The following LUZP2 variants were observed in gnomAD, a reference collection of about 807,000 sequenced individuals.
LUZP2 encodes leucine zipper protein 2.
A neutral mutation model predicts 51.6 loss-of-function variants in LUZP2; 52 were observed. The ratio of observed to expected loss-of-function variants is 1.01; its 90% CI spans 0.81 to 1.27. LUZP2 has a LOEUF of 1.27. LUZP2 is among the 50% of genes most tolerant of loss of function. LUZP2 has a pLI of 0.00. For missense variants in LUZP2, 436 were observed against 395.4 expected, an observed-to-expected ratio of 1.10 and a Z score of -0.87; for synonymous variants, 154 against 137.3, an observed-to-expected ratio of 1.12 and a Z score of -0.85.
intron 1 of LUZP2, among the ~76,000 whole-genome samples, chr11:24,540,129 C>T (rs10767209): frequency 0.41 from 62,696 of 151,820 alleles, 13,518 homozygotes; most frequent in African/African-American, 0.51. Context: ...AAGTACACCA[C>T]TTTGGATTTT....
intron 1 of LUZP2, among the ~76,000 whole-genome samples, chr11:24,522,010 T>G (rs1042023752): frequency 2.0e-5 from 3 of 152,136 alleles, no homozygotes; most frequent in Non-Finnish European, 4.4e-5. Flanking sequence ...GGAAACCTGT[T>G]TTGAATAGCT....
intron 5 of LUZP2, among the ~76,000 whole-genome samples, chr11:24,818,685 G>T (rs1417107402): frequency 6.6e-6 from 1 of 151,952 alleles, no homozygotes; most frequent in East Asian, 1.9e-4. Flanking sequence ...TATATATCAT[G>T]CTCTATGTTA....
chr11:24,594,913 C>T (rs1451322740), intron 1 of LUZP2, among the ~76,000 whole-genome samples: 1 of 151,756 alleles, frequency 6.6e-6, no homozygotes, highest in East Asian at 1.9e-4. Flanking sequence ...GCATGCACCA[C>T]CATGCCCGGC....
intron 1 of LUZP2, among the ~76,000 whole-genome samples, chr11:24,669,953 T>C (rs946297779): frequency 6.6e-6 from 1 of 152,034 alleles, no homozygotes; most frequent in Non-Finnish European, 1.5e-5. Flanking sequence ...TCTAGGCATC[T>C]AGAGATGACA....
intron 1 of LUZP2, among the ~76,000 whole-genome samples, chr11:24,727,164 A>C (rs538428455): frequency 2.0e-5 from 3 of 152,230 alleles, no homozygotes; most frequent in African/African-American, 2.4e-5. Context: ...TTTAATTAAA[A>C]ATAAATATAG....
chr11:24,962,348 C>A (rs557008168), intron 7 of LUZP2, among the ~76,000 whole-genome samples: 1 of 152,310 alleles, frequency 6.6e-6, no homozygotes, highest in African/African-American at 2.4e-5. Flanking sequence ...TGGATAATAT[C>A]CTGCAGAGTG....
chr11:25,018,055 T>TTTTTTCTG (rs1857213003), intron 9 of LUZP2, among the ~76,000 whole-genome samples: 1 of 140,020 alleles, frequency 7.1e-6, no homozygotes. Flanking sequence ...TTTGTTTTTT[T>TTTTTTCTG]TTTTGCAGCT....
chr11:24,708,584 G>A (rs973027915), intron 1 of LUZP2, among the ~76,000 whole-genome samples: 7 of 152,068 alleles, frequency 4.6e-5, no homozygotes, highest in East Asian at 1.9e-4. Flanking sequence ...GGTAAAACAC[G>A]CTCTCACAGA....
chr11:24,667,196 T>C (rs900142506), intron 1 of LUZP2, among the ~76,000 whole-genome samples: 20 of 150,352 alleles, frequency 1.3e-4, no homozygotes, highest in Admixed American at 1.3e-3. Flanking sequence ...TTTTTTTTTT[T>C]TTTTTGAGAC....
chr11:24,836,054 A>G (rs993696286), intron 5 of LUZP2, among the ~76,000 whole-genome samples: 1 of 151,986 alleles, frequency 6.6e-6, no homozygotes, highest in Non-Finnish European at 1.5e-5. Context: ...AGCATAGACT[A>G]TGGAGTTAAA....
At chr11:24,690,063 A>G (rs951934861) in intron 1 of LUZP2, among the ~76,000 whole-genome samples, 13 of 152,168 alleles carry the variant, frequency 8.5e-5, no homozygotes, top group African/African-American at 3.1e-4. Flanking sequence ...TGGGAGGAAT[A>G]GATTAGATGA....
chr11:24,902,720 T>C (rs902316436), intron 5 of LUZP2, among the ~76,000 whole-genome samples: 4 of 152,280 alleles, frequency 2.6e-5, no homozygotes, highest in African/African-American at 9.6e-5. Context: ...TCTTTTGTTG[T>C]GTATATTAAT....
intron 1 of LUZP2, among the ~76,000 whole-genome samples, chr11:24,713,690 T>TC (rs1297741263): frequency 1.4e-5 from 2 of 142,264 alleles, no homozygotes; most frequent in Non-Finnish European, 3.1e-5. Context: ...TCTGTTTTTT[T>TC]TTTTTTTTTT....
At chr11:24,727,013 T>A (rs1206540411) in intron 1 of LUZP2, among the ~76,000 whole-genome samples, 1 of 151,924 alleles carries the variant, frequency 6.6e-6, no homozygotes, top group African/African-American at 2.4e-5. Context: ...AACTTGTGCC[T>A]CTTCATGGTT....
intron 5 of LUZP2, among the ~76,000 whole-genome samples, chr11:24,883,358 C>T (rs1180487260): frequency 6.6e-6 from 1 of 151,928 alleles, no homozygotes; most frequent in Admixed American, 6.6e-5. Context: ...ATGCCCCAAT[C>T]AACTCAAACT....
At chr11:24,673,375 T>C (rs1415572100) in intron 1 of LUZP2, among the ~76,000 whole-genome samples, 1 of 152,194 alleles carries the variant, frequency 6.6e-6, no homozygotes, top group Non-Finnish European at 1.5e-5. Flanking sequence ...CAATGTGGCT[T>C]CAGAAACCAG....
chr11:24,518,641 GT>G (rs1289935318), intron 1 of LUZP2, among the ~76,000 whole-genome samples: 1 of 152,108 alleles, frequency 6.6e-6, no homozygotes, highest in Non-Finnish European at 1.5e-5. Context: ...ATTTATTAGG[GT>G]TGTTTTCTTC....
intron 10 of LUZP2, among the ~76,000 whole-genome samples, chr11:25,065,336 T>C (rs1270655570): frequency 6.6e-6 from 1 of 152,018 alleles, no homozygotes. Context: ...ATAACATTAA[T>C]CCTTATGTTC....
At chr11:24,640,994 TATA>T (rs1855262259) in intron 1 of LUZP2, among the ~76,000 whole-genome samples, 1 of 149,404 alleles carries the variant, frequency 6.7e-6, no homozygotes, top group Non-Finnish European at 1.5e-5. Flanking sequence ...TAGATATAGA[TATA>T]GATATAGATA....
Sources: gnomAD v4.1 joint callset for allele counts (sites outside exome capture counted in the v4.1 genomes callset) on GRCh38, gnomAD v4.1.1 for gene constraint, MANE v1.5 for transcripts, NCBI Gene and HGNC (gene_info 2026-07-23, HGNC 2026-07-21) for gene names.